Variants in ARAP2 observed in about 807,000 individuals in gnomAD.
ARAP2 encodes the protein ArfGAP with RhoGAP domain, ankyrin repeat and PH domain 2.
A neutral mutation model predicts 194.5 loss-of-function variants in ARAP2; 148 were observed. The observed-to-expected ratio is 0.76, with a 90% CI of 0.67 to 0.87. The LOEUF (loss-of-function observed/expected upper bound fraction) is 0.87. ARAP2 is among the 40% of genes least tolerant of loss of function. The pLI is 0.00. For missense variants in ARAP2, 2,128 were observed against 1,989.7 expected (o/e 1.07, Z -1.32); for synonymous variants, 695 against 683.5 (o/e 1.02, Z -0.26).
At chr4:36,098,831 A>G (rs1716046228) in intron 27 of ARAP2, among the ~76,000 whole-genome samples, 1 of 152,098 alleles carries the variant, frequency 6.6e-6, no homozygotes, top group Admixed American at 6.6e-5. Flanking sequence ...TCCAAGATGT[A>G]ATATCACCCT....
At chr4:36,179,802 T>C (rs1013429986) in intron 8 of ARAP2, among the ~76,000 whole-genome samples, 4 of 152,216 alleles carry the variant, frequency 2.6e-5, no homozygotes, top group African/African-American at 9.6e-5. Context: ...CTTACTCATA[T>C]TCAAACTTGA....
At position 36,066,020 on chromosome 4, in the gene ARAP2, T is replaced by C. The variant is rs1236760066; in HGVS notation, c.*1887A>G. The C allele has an allele frequency of 6.6e-6, 1 of 152,208 alleles. No individual in the cohort carries two copies. 9.4% of individuals were successfully genotyped at this position (152,208 alleles called of 1,614,324 possible). A position where few individuals can be genotyped will look rare whatever the true frequency, so the allele number is the denominator to read the frequency against. On this transcript the variant is annotated 3_prime_UTR_variant, in exon 33 of 33. Transcript: ENST00000303965. ...ACATTCAAGTAGACTTGTAAAACAA[T>C]TTTAATGTTTACTCAAAATAAATGA...
chr4:36,223,502 A>C (rs897203587), intron 2 of ARAP2, among the ~76,000 whole-genome samples: 5 of 152,204 alleles, frequency 3.3e-5, no homozygotes, highest in African/African-American at 1.2e-4. Context: ...TCTATTACTT[A>C]AATAGAGAAT....
chr4:36,114,261 T>C lies in ARAP2; in HGVS notation c.4065A>G (p.Glu1355=). 6.3e-7 allele frequency: 1 copy of C among 1,589,898 alleles called. No individual in the cohort carries two copies. Among genetic ancestry groups the C allele is most frequent in the Non-Finnish European group, 8.6e-7 (1 of 1,161,926 alleles). ...TTATCGCTAATATATCATTAGTTAA[T>C]TCTTCTGCTTCCATCACAGGAGATA... ...IRISPVMEAE[E]LTNDILAIKN... is the part of the protein sequence containing the mutation. The change falls in exon 26 of 33, where the codon GAA becomes GAG. Residue 1355 remains glutamate (E), a synonymous_variant. Coordinates refer to ENST00000303965, the MANE Select transcript of ARAP2 (RefSeq NM_015230.4).
chr4:36,160,264 G>T (rs967835168), intron 13 of ARAP2, 195 bp downstream of exon 13: 1 of 1,180,458 alleles, frequency 8.5e-7, no homozygotes, highest in Non-Finnish European at 1.0e-6. Context: ...TATGGAGGAA[G>T]AATTTATGCT....
At chr4:36,131,948 C>A (rs1046744801) in intron 20 of ARAP2, among the ~76,000 whole-genome samples, 3 of 151,394 alleles carry the variant, frequency 2.0e-5, no homozygotes, top group African/African-American at 7.3e-5. Flanking sequence ...ATATGTGGGC[C>A]TTATGTATAT....
At position 36,212,431 on chromosome 4, in the gene ARAP2, T is replaced by G. The variant is rs1454785977; in HGVS notation, c.1098A>C (p.Ala366=). Residue 366 remains alanine (A), a synonymous_variant, in exon 5 of 33, where the codon GCA becomes GCC. Coordinates refer to ENST00000303965, the MANE Select transcript of ARAP2 (RefSeq NM_015230.4). The part of the protein sequence containing the change: ...LTQGEALKGE[A]ATATNSFIIK... ...TGATAAAAGAGTTTGTTGCAGTAGC[T>G]GCTTCCCCTTTGAGTGCTTCTCCCT... 6.2e-7 allele frequency: 1 copy of G among 1,612,520 alleles called. No individual in the cohort carries two copies. Among genetic ancestry groups the G allele is most frequent in the Non-Finnish European group, 8.5e-7 (1 of 1,178,898 alleles).
At chr4:36,049,784 A>G (rs1722374330) in intron 3 of ARAP2, among the ~76,000 whole-genome samples, 1 of 152,178 alleles carries the variant, frequency 6.6e-6, no homozygotes, top group Non-Finnish European at 1.5e-5. Context: ...AAGCCAATAA[A>G]CATGGAGTAT....
chr4:36,188,413 G>A (rs1435842016), intron 7 of ARAP2, among the ~76,000 whole-genome samples: 6 of 152,064 alleles, frequency 3.9e-5, no homozygotes, highest in South Asian at 4.1e-4. Context: ...GTACAAAGAC[G>A]GAAAATCTCA....
At chr4:36,024,992 A>C (rs1298978428) in intron 5 of ARAP2, among the ~76,000 whole-genome samples, 2 of 152,192 alleles carry the variant, frequency 1.3e-5, no homozygotes, top group Non-Finnish European at 2.9e-5. Context: ...GTTTATAACG[A>C]ATCAGGTCAG....
chr4:36,212,529 C>A, intron 4 of ARAP2, 42 bp from the exon 5 acceptor site: 1 of 1,476,956 alleles, frequency 6.8e-7, no homozygotes, highest in Non-Finnish European at 9.4e-7. Flanking sequence ...TACTGTTTTG[C>A]TTTTTGGTTT....
intron 19 of ARAP2, among the ~76,000 whole-genome samples, chr4:36,134,275 G>A (rs531984780): frequency 7.9e-5 from 12 of 151,700 alleles, no homozygotes; most frequent in Admixed American, 5.9e-4. Context: ...GCATATCAAA[G>A]CTTTTGCTCT....
intron 8 of ARAP2, among the ~76,000 whole-genome samples, chr4:36,015,068 G>T (rs376707252): frequency 2.6e-5 from 4 of 152,246 alleles, no homozygotes; most frequent in African/African-American, 9.6e-5. Context: ...TGATGTTACT[G>T]AGTCACAAAT....
intron 9 of ARAP2, among the ~76,000 whole-genome samples, chr4:36,168,728 G>C (rs1362628806): frequency 2.0e-5 from 3 of 152,020 alleles, no homozygotes; most frequent in Non-Finnish European, 4.4e-5. Context: ...CACTGTACTA[G>C]GAGAAACTAG....
chr4:36,143,633 G>T (rs1163539834), intron 19 of ARAP2, among the ~76,000 whole-genome samples: 1 of 151,686 alleles, frequency 6.6e-6, no homozygotes, highest in African/African-American at 2.4e-5. Flanking sequence ...TATTGATTTG[G>T]AGTAAAAAGG....
rs1719600986 is a variant in ARAP2 at position 36,034,639 on chromosome 4, A to G, written n.607+11340T>C. Reference sequence around the variant, plus strand: ...CTTATTTGCTGGATATGGCTAGCATATCCAGCACTATGTTGAATAGGAGTG... The same window carrying G: ...CTTATTTGCTGGATATGGCTAGCATGTCCAGCACTATGTTGAATAGGAGTG... On this transcript the variant is annotated intron_variant and non_coding_transcript_variant, in intron 5 of 12. Coordinates refer to the ARAP2 transcript ENST00000503225. Among the ~76,000 whole-genome samples the G allele has an allele frequency of 3.9e-5, 6 of 152,052 alleles. No individual in the cohort carries two copies. The South Asian group carries it at 1.2e-3, about 32-fold the overall frequency.
At chr4:36,180,519 G>T (rs1217401247) in intron 8 of ARAP2, among the ~76,000 whole-genome samples, 3 of 152,084 alleles carry the variant, frequency 2.0e-5, no homozygotes, top group Admixed American at 2.0e-4. Context: ...ACTTAACCTG[G>T]TTATTACTTG....
At chr4:36,203,020 T>G (rs1011579213) in intron 6 of ARAP2, among the ~76,000 whole-genome samples, 1 of 152,066 alleles carries the variant, frequency 6.6e-6, no homozygotes, top group South Asian at 2.1e-4. Context: ...GAGGGTGAGG[T>G]GCTGATAATG....
At position 36,124,977 on chromosome 4, in the gene ARAP2, A is replaced by G. The variant is rs755125270; in HGVS notation, c.3641-10T>C. ...TTGTCATCTTGCGTATCTGAAGGGG[A>G]AAAAAAAACAATCTTGAGATCTAAA... On this transcript the variant is annotated splice_polypyrimidine_tract_variant and intron_variant, in intron 21 of 32. Coordinates refer to ENST00000303965, the MANE Select transcript of ARAP2 (RefSeq NM_015230.4). The G allele has an allele frequency of 2.9e-5, 43 of 1,483,952 alleles. No homozygotes were observed. The East Asian group carries it at 3.2e-4, about 11-fold the overall frequency. 91.9% of individuals were successfully genotyped at this position (1,483,952 alleles called of 1,614,324 possible).
Sources: allele counts gnomAD v4.1 joint callset (sites outside exome capture counted in the v4.1 genomes callset), GRCh38; gene constraint gnomAD v4.1.1; transcripts MANE v1.5; gene names NCBI Gene and HGNC (gene_info 2026-07-23, HGNC 2026-07-21).